Variants in DOC2B observed in about 807,000 individuals in gnomAD.
DOC2B encodes the protein double C2-like domain-containing protein beta.
A neutral mutation model predicts 28.9 loss-of-function variants in DOC2B; 21 were observed. That is an observed-to-expected ratio of 0.73 (90% confidence interval 0.52 to 1.05). DOC2B has a LOEUF of 1.05. Among genes scored for constraint, DOC2B ranks in the 50% least tolerant of loss-of-function variants. The pLI is 0.00. For synonymous variants in DOC2B, 194 were observed against 178.1 expected (o/e 1.09, Z -0.71); for missense variants, 384 against 421.1 (o/e 0.91, Z 0.77).
At chr17:161,255 T>C (rs1392281067) in intron 5 of DOC2B, among the ~76,000 whole-genome samples, 160 bp downstream of exon 5, 1 of 152,048 alleles carries the variant, frequency 6.6e-6, no homozygotes, top group Non-Finnish European at 1.5e-5. Context: ...GCCAGGGTCC[T>C]TCCTCACCTC....
chr17:178,128 C>T (rs2040391292), intron 1 of DOC2B, among the ~76,000 whole-genome samples: 1 of 152,260 alleles, frequency 6.6e-6, no homozygotes. Context: ...CAGCAGCCAC[C>T]TTGGACCTGA....
In DOC2B at chr17:143,758, A is replaced by T. The variant is rs1378444644; in HGVS notation, c.*3683T>A. The T allele has an allele frequency of 2.0e-5, 3 of 152,054 alleles. No homozygotes were observed. The highest frequency in any genetic ancestry group is 4.4e-5 in the Non-Finnish European group (3 of 68,004). The allele number at this position is 152,054 out of a possible 1,614,324, so 9.4% of individuals were successfully genotyped here. On this transcript the variant is annotated 3_prime_UTR_variant, in exon 9 of 9. Transcript: ENST00000613549. ...TTATAAATATTAACAAATAAGACTT[A>T]AAAAGGACACCTTCGGGTAGGTCAG...
chr17:165,167 G>A (rs1445452046), intron 2 of DOC2B, among the ~76,000 whole-genome samples: 1 of 151,610 alleles, frequency 6.6e-6, no homozygotes, highest in Non-Finnish European at 1.5e-5. Context: ...TTCACCAGCT[G>A]GGAAGTGGAT....
intron 6 of DOC2B, among the ~76,000 whole-genome samples, chr17:152,520 C>A (rs2040083924): frequency 6.6e-6 from 1 of 152,092 alleles, no homozygotes; most frequent in African/African-American, 2.4e-5. Context: ...GTAATCCCAG[C>A]ACTTTGGGAG....
chr17:148,912 C>A (rs1313422662), intron 7 of DOC2B, among the ~76,000 whole-genome samples, 199 bp downstream of exon 7: 1 of 151,948 alleles, frequency 6.6e-6, no homozygotes, highest in Admixed American at 6.6e-5. Flanking sequence ...TCCCTCCCCC[C>A]AGCCCTACAT....
At chr17:175,294 G>T (rs1597835527) in intron 1 of DOC2B, among the ~76,000 whole-genome samples, 1 of 152,182 alleles carries the variant, frequency 6.6e-6, no homozygotes, top group Admixed American at 6.5e-5. Flanking sequence ...TCCTGAGCAG[G>T]GTATGTGTGC....
chr17:149,304 T>C (rs2040047662), intron 6 of DOC2B, 112 bp from the exon 7 acceptor site: 1 of 397,984 alleles, frequency 2.5e-6, no homozygotes, highest in Middle Eastern at 6.3e-4. Context: ...TCCTGGGCCC[T>C]TCTTTTGTCC....
At chr17:163,933 G>A (rs1052610660) in intron 3 of DOC2B, among the ~76,000 whole-genome samples, 197 bp downstream of exon 3, 1 of 152,212 alleles carries the variant, frequency 6.6e-6, no homozygotes, top group Non-Finnish European at 1.5e-5. Flanking sequence ...ACAGGGTGTG[G>A]GGCAGACTGG....
intron 5 of DOC2B, among the ~76,000 whole-genome samples, chr17:160,223 C>A (rs139738597): frequency 1.1e-4 from 17 of 152,232 alleles, no homozygotes; most frequent in African/African-American, 3.9e-4. Flanking sequence ...ACCTCATGAC[C>A]CACCTGCCTT....
In DOC2B at chr17:144,036, G is replaced by T. The variant is rs2040001947; in HGVS notation, c.*3405C>A. The T allele has an allele frequency of 7.0e-6, 1 of 143,484 alleles. No homozygotes were observed. Among genetic ancestry groups the T allele is most frequent in the Non-Finnish European group, 1.5e-5 (1 of 65,262 alleles). The allele number at this position is 143,484 out of a possible 1,614,324, so 8.9% of individuals were successfully genotyped here. ...AGAGGTCAGGAGGTGACCGCTTCGG[G>T]GCTGGAAGACGGGCCCGTCGGGGAT... On this transcript the variant is annotated 3_prime_UTR_variant, in exon 9 of 9. Coordinates refer to ENST00000613549, the MANE Select transcript of DOC2B (RefSeq NM_003585.5).
At chr17:147,726 C>T (rs1243338271) in intron 8 of DOC2B, 149 bp from the exon 9 acceptor site, 1 of 397,934 alleles carries the variant, frequency 2.5e-6, no homozygotes, top group Non-Finnish European at 4.4e-6. Flanking sequence ...GACCTCCATG[C>T]CACACTCTGG....
intron 8 of DOC2B, 84 bp downstream of exon 8, chr17:148,089 T>G (rs2040035074): frequency 5.0e-6 from 2 of 397,942 alleles, no homozygotes; most frequent in Admixed American, 8.8e-5. Flanking sequence ...GGCTCCAGCT[T>G]TCCCCATGGA....
intron 5 of DOC2B, among the ~76,000 whole-genome samples, chr17:160,619 A>G (rs2040190151): frequency 6.6e-6 from 1 of 152,088 alleles, no homozygotes; most frequent in African/African-American, 2.4e-5. Context: ...TGTGTCCTGA[A>G]CGCTGGGAGG....
At position 181,542 on chromosome 17, in the gene DOC2B, CTCAG is replaced by C; in HGVS notation, c.-67_-64del. On this transcript the variant is annotated 5_prime_UTR_variant, in exon 1 of 9. An upstream open reading frame in the 5' UTR loses its in-frame stop. Transcript: ENST00000613549. The surrounding 1 kb of genome is among the most constrained non-coding windows in gnomAD (Gnocchi z 7.0). Reference sequence around the variant, plus strand: ...CGGCGCGACCCCGGCCCGGGGGCGGCTCAGCAGGCCCGGCGGGGCGCGGCGGGGG... The same window carrying C: ...CGGCGCGACCCCGGCCCGGGGGCGGCCAGGCCCGGCGGGGCGCGGCGGGGG... 1.1e-6 allele frequency: 1 copy of C among 914,696 alleles called. No homozygotes were observed. The highest frequency in any genetic ancestry group is 1.3e-6 in the Non-Finnish European group (1 of 768,498). 56.7% of individuals were successfully genotyped at this position (914,696 alleles called of 1,614,324 possible). A position where few individuals can be genotyped will look rare whatever the true frequency, so the allele number is the denominator to read the frequency against.
intron 5 of DOC2B, among the ~76,000 whole-genome samples, chr17:157,510 G>A (rs1289035000): frequency 6.6e-6 from 1 of 152,218 alleles, no homozygotes; most frequent in Non-Finnish European, 1.5e-5. Context: ...CACCCAGGCT[G>A]GAGTGCAGTG....
chr17:165,487 TA>T (rs3029494), intron 2 of DOC2B, among the ~76,000 whole-genome samples: 1,194 of 119,088 alleles, frequency 0.01, 6 homozygotes, highest in African/African-American at 0.02. Context: ...GTCTCAAGTT[TA>T]AAAAAAAAAA....
chr17:147,077 C>T lies in DOC2B; in HGVS notation c.*364G>A. ...CTGCTCACCACCTCCCTCCTCTGTTCCCACTGTCCGCCAAGGCGCCCCCAC... is the reference window on the plus strand; with the variant it reads ...CTGCTCACCACCTCCCTCCTCTGTTTCCACTGTCCGCCAAGGCGCCCCCAC... On this transcript the variant is annotated 3_prime_UTR_variant, in exon 9 of 9. Transcript: ENST00000613549. 5.0e-6 allele frequency: 1 copy of T among 200,186 alleles called. No homozygotes were observed. Among genetic ancestry groups the T allele is most frequent in the East Asian group, 1.1e-4 (1 of 8,804 alleles). The allele number at this position is 200,186 out of a possible 1,614,324, so 12.4% of individuals were successfully genotyped here.
At position 181,490 on chromosome 17, in the gene DOC2B, C is replaced by A. The variant is rs758901207; in HGVS notation, c.-11G>T. ...CCGCCGGAGGGTCATGCAGGCAGCGCCGCCCCGCCCCGGGCGCGGCCCGGC... is the reference window on the plus strand; with the variant it reads ...CCGCCGGAGGGTCATGCAGGCAGCGACGCCCCGCCCCGGGCGCGGCCCGGC... On this transcript the variant is annotated 5_prime_UTR_variant, in exon 1 of 9. Transcript: ENST00000613549. This position sits in a 1 kb window ranked among gnomAD's most constrained non-coding sequence, Gnocchi z 7.0. The A allele has an allele frequency of 1.5e-4, 151 of 1,019,086 alleles. No individual in the cohort carries two copies. Among genetic ancestry groups the A allele is most frequent in the Non-Finnish European group, 1.6e-4 (133 of 854,422 alleles). 63.1% of individuals were successfully genotyped at this position (1,019,086 alleles called of 1,614,324 possible). A position where few individuals can be genotyped will look rare whatever the true frequency, so the allele number is the denominator to read the frequency against.
At position 181,502 on chromosome 17, in the gene DOC2B, G is replaced by T; in HGVS notation, c.-23C>A. On this transcript the variant is annotated 5_prime_UTR_variant, in exon 1 of 9. Coordinates refer to ENST00000613549, the MANE Select transcript of DOC2B (RefSeq NM_003585.5). The surrounding 1 kb of genome is among the most constrained non-coding windows in gnomAD (Gnocchi z 7.0). ...CATGCAGGCAGCGCCGCCCCGCCCC[G>T]GGCGCGGCCCGGCCCGGCGCGACCC... is the stretch of plus-strand genomic sequence containing the variant. 1 of 1,006,250 alleles carries T rather than the reference G, an allele frequency of 9.9e-7. No homozygotes were observed. The highest frequency in any genetic ancestry group is 4.4e-5 in the South Asian group (1 of 22,542). The allele number at this position is 1,006,250 out of a possible 1,614,324, so 62.3% of individuals were successfully genotyped here.
Sources: allele counts gnomAD v4.1 joint callset (sites outside exome capture counted in the v4.1 genomes callset), GRCh38; gene constraint gnomAD v4.1.1; non-coding constraint Gnocchi (gnomAD v3.1); transcripts MANE v1.5; gene names NCBI Gene and HGNC (gene_info 2026-07-23, HGNC 2026-07-21).